The following CNTLN variants were observed in gnomAD, a reference collection of about 807,000 sequenced individuals.
CNTLN encodes centlein.
CNTLN carries 212 observed loss-of-function variants against 180.0 expected under a neutral mutation model. The observed-to-expected ratio is 1.18, with a 90% CI of 1.05 to 1.32. The LOEUF (loss-of-function observed/expected upper bound fraction) is 1.32, where lower values mean the gene tolerates loss of function less well. CNTLN is among the 40% of genes most tolerant of loss of function. CNTLN has a pLI of 0.00. For missense variants in CNTLN, 2,095 were observed against 1,610.9 expected, an observed-to-expected ratio of 1.30 and a Z score of -5.14; for synonymous variants, 722 against 563.1, an observed-to-expected ratio of 1.28 and a Z score of -3.99.
At chr9:17,463,164 T>C (rs895656226) in intron 20 of CNTLN, 151 bp downstream of exon 20, 35 of 447,046 alleles carry the variant, frequency 7.8e-5, no homozygotes, top group Admixed American at 6.0e-4. Context: ...AGGAATACTA[T>C]GTATAGCATG....
At chr9:17,360,984 C>G (rs983697159) in intron 12 of CNTLN, among the ~76,000 whole-genome samples, 1 of 152,122 alleles carries the variant, frequency 6.6e-6, no homozygotes, top group African/African-American at 2.4e-5. Context: ...TTACTTATTT[C>G]TGTCCACTTT....
At position 17,273,828 on chromosome 9, in the gene CNTLN, T is replaced by G; in HGVS notation, c.945T>G (p.Thr315=). The change falls in exon 6 of 26, where the codon ACT becomes ACG. Residue 315 remains threonine, a synonymous_variant. Transcript: ENST00000380647. The part of the protein sequence containing the change: ...ALSLQLSNKQ[T]ELIQKDMDIT... ...CATTACAGTTGAGTAATAAACAGAC[T>G]GAACTTATCCAGAAGGATATGGATA... 6.4e-7 allele frequency: 1 copy of G among 1,572,958 alleles called. No homozygotes were observed. Among genetic ancestry groups the G allele is most frequent in the Non-Finnish European group, 8.6e-7 (1 of 1,163,956 alleles).
At chr9:17,354,326 C>G (rs902322163) in intron 12 of CNTLN, among the ~76,000 whole-genome samples, 1 of 152,198 alleles carries the variant, frequency 6.6e-6, no homozygotes, top group Admixed American at 6.5e-5. Context: ...TGCAGGCGCA[C>G]GGCACCGGGA....
chr9:17,189,083 T>G (rs1208495807), intron 2 of CNTLN, among the ~76,000 whole-genome samples: 2 of 132,110 alleles, frequency 1.5e-5, no homozygotes, highest in African/African-American at 5.8e-5. Flanking sequence ...GTTTTTTTTT[T>G]TTTTTTTTTT....
Position 17,416,203 on chromosome 9 carries a change from T to A in CNTLN, c.3114+14T>A. The A allele has an allele frequency of 1.3e-6, 2 of 1,592,450 alleles. No homozygotes were observed. Among genetic ancestry groups the A allele is most frequent in the South Asian group, 1.1e-5 (1 of 89,622 alleles). ...CAGACAATAAAGGTAAAGAGAACTT[T>A]AAGATTGAACAGTAGTATACTATAT... On this transcript the variant is annotated intron_variant, in intron 18 of 25. Coordinates refer to ENST00000380647, the MANE Select transcript of CNTLN (RefSeq NM_017738.4).
intron 10 of CNTLN, among the ~76,000 whole-genome samples, chr9:17,335,980 A>G (rs1246902274): frequency 6.6e-6 from 1 of 152,046 alleles, no homozygotes; most frequent in East Asian, 1.9e-4. Context: ...TTTAATTACA[A>G]AATCCAAAGG....
chr9:17,386,416 A>G (rs1381469945), intron 13 of CNTLN, among the ~76,000 whole-genome samples: 1 of 152,242 alleles, frequency 6.6e-6, no homozygotes, highest in East Asian at 1.9e-4. Context: ...AAACTAAAAT[A>G]TCAAAAATAA....
chr9:17,294,306 C>G (rs1045000646), intron 6 of CNTLN, among the ~76,000 whole-genome samples: 5 of 152,062 alleles, frequency 3.3e-5, no homozygotes, highest in African/African-American at 1.2e-4. Context: ...CACCCACATC[C>G]TGCTGATTGG....
chr9:17,364,033 T>G (rs1425676121), intron 12 of CNTLN, among the ~76,000 whole-genome samples: 1 of 152,188 alleles, frequency 6.6e-6, no homozygotes, highest in African/African-American at 2.4e-5. Flanking sequence ...CTGGTTCATT[T>G]AAAGATTGTC....
At chr9:17,478,850 C>G (rs1832492231) in intron 23 of CNTLN, among the ~76,000 whole-genome samples, 2 of 152,118 alleles carry the variant, frequency 1.3e-5, no homozygotes, top group South Asian at 4.1e-4. Flanking sequence ...TTGCCAGTAT[C>G]ATACTCTTTT....
chr9:17,253,137 A>G (rs901150785), intron 5 of CNTLN, among the ~76,000 whole-genome samples: 2 of 151,618 alleles, frequency 1.3e-5, no homozygotes, highest in African/African-American at 4.8e-5. Flanking sequence ...ATGTGTCTAT[A>G]TTTATACCAA....
intron 12 of CNTLN, among the ~76,000 whole-genome samples, chr9:17,346,610 A>G (rs1436680423): frequency 6.6e-6 from 1 of 152,172 alleles, no homozygotes; most frequent in Non-Finnish European, 1.5e-5. Flanking sequence ...TTTGTTCCAC[A>G]ATAGGTAATG....
At chr9:17,437,976 C>A (rs565602621) in intron 18 of CNTLN, among the ~76,000 whole-genome samples, 1 of 152,046 alleles carries the variant, frequency 6.6e-6, no homozygotes, top group African/African-American at 2.4e-5. Flanking sequence ...TGAACAAAGT[C>A]ATTAGAAGAA....
chr9:17,138,578 G>C (rs1817876216), intron 1 of CNTLN, among the ~76,000 whole-genome samples: 1 of 152,134 alleles, frequency 6.6e-6, no homozygotes, highest in South Asian at 2.1e-4. Context: ...AATTCCACCA[G>C]TTGTTTGTAG....
intron 12 of CNTLN, among the ~76,000 whole-genome samples, chr9:17,351,891 A>AT (rs958045592): frequency 3.9e-5 from 6 of 152,102 alleles, no homozygotes; most frequent in Admixed American, 1.3e-4. Flanking sequence ...CCCCCCTTTT[A>AT]TTTTTTTACA....
intron 2 of CNTLN, among the ~76,000 whole-genome samples, chr9:17,189,404 T>C (rs1821651399): frequency 6.6e-6 from 1 of 151,284 alleles, no homozygotes; most frequent in Non-Finnish European, 1.5e-5. Flanking sequence ...TAAACTTCAT[T>C]AGTGCAGGCT....
At chr9:17,504,500 C>G (rs1419695710), downstream of CNTLN, among the ~76,000 whole-genome samples, 3 of 152,100 alleles carry the variant, frequency 2.0e-5, no homozygotes, top group African/African-American at 7.2e-5. Context: ...ATGTTCACTC[C>G]TTAGTCCCCG....
At chr9:17,407,496 G>A (rs1158661449) in intron 15 of CNTLN, among the ~76,000 whole-genome samples, 1 of 152,130 alleles carries the variant, frequency 6.6e-6, no homozygotes, top group Admixed American at 6.5e-5. Flanking sequence ...ATAGAATCAA[G>A]ATCCCCAAAG....
At chr9:17,284,390 A>AT in intron 6 of CNTLN, among the ~76,000 whole-genome samples, 1 of 152,052 alleles carries the variant, frequency 6.6e-6, no homozygotes, top group Non-Finnish European at 1.5e-5. Context: ...TCCACTGGTC[A>AT]TGGGCTTTTT....
Sources: gnomAD v4.1 joint callset for allele counts (sites outside exome capture counted in the v4.1 genomes callset) on GRCh38, gnomAD v4.1.1 for gene constraint, MANE v1.5 for transcripts, NCBI Gene and HGNC (gene_info 2026-07-23, HGNC 2026-07-21) for gene names.